CDK13: variants seen among roughly 807,000 people sequenced by gnomAD.
The protein encoded by CDK13 is cyclin-dependent kinase 13.
A neutral mutation model predicts 137.6 loss-of-function variants in CDK13; 40 were observed. The ratio of observed to expected loss-of-function variants is 0.29; its 90% CI spans 0.23 to 0.38. The LOEUF is 0.38. Among genes scored for constraint, CDK13 ranks in the 10% least tolerant of loss-of-function variants. The pLI is 1.00. For missense variants in CDK13, 1,704 were observed against 1,951.8 expected, an observed-to-expected ratio of 0.87 and a Z score of 2.39; for synonymous variants, 869 against 760.1, an observed-to-expected ratio of 1.14 and a Z score of -2.36.
chr7:39,962,606 T>C (rs1255113262), intron 1 of CDK13, among the ~76,000 whole-genome samples: 1 of 152,218 alleles, frequency 6.6e-6, no homozygotes, highest in Non-Finnish European at 1.5e-5. Flanking sequence ...GATGGTAGTT[T>C]CTTTTGCTGT....
chr7:39,987,439 CTACTT>C (rs935032725), intron 1 of CDK13, among the ~76,000 whole-genome samples, 155 bp from the exon 2 acceptor site: 1 of 152,148 alleles, frequency 6.6e-6, no homozygotes, highest in Non-Finnish European at 1.5e-5. Flanking sequence ...AAATAATACT[CTACTT>C]TAAAGAAATT....
rs1277947599 is a variant in CDK13, at chr7:39,950,620, G to A, written c.-22G>A. 7.8e-7 allele frequency: 1 copy of A among 1,289,074 alleles called. No homozygotes were observed. The allele number at this position is 1,289,074 out of a possible 1,614,324, so 79.9% of individuals were successfully genotyped here. On this transcript the variant is annotated 5_prime_UTR_variant, in exon 1 of 14. Transcript: ENST00000181839. ...CGGGAGGAGGCCGCACCCGCGCCGC[G>A]CTCTGCGGCTGGCTCTAGGCGATGC...
chr7:40,068,944 A>G lies in CDK13; in HGVS notation c.2780+5844A>G, dbSNP rs1786348575. ...TTGTTAAGATACTTATAATTTTATA[A>G]AGAGATTGACCGGGCACAGTGGCTC... On this transcript the variant is annotated intron_variant, in intron 9 of 13. Transcript: ENST00000181839. 2.0e-5 allele frequency among the ~76,000 whole-genome samples: 3 copies of G among 152,048 alleles called. No individual in the cohort carries two copies. In the South Asian group the frequency reaches 6.2e-4, roughly 32 times the overall value.
intron 1 of CDK13, among the ~76,000 whole-genome samples, chr7:39,977,510 C>A (rs540363334): frequency 2.0e-5 from 3 of 152,270 alleles, no homozygotes; most frequent in African/African-American, 7.2e-5. Context: ...CCAGCTCTAG[C>A]TGACTGGCGT....
rs557759036 is a variant in CDK13, at chr7:39,976,429, G to T, written c.1212-11170G>T. ...TGCTTGGCTTTGAAGTGAAAGACTT[G>T]GGTTTGAATATTGACTCTGCCTCTT... On this transcript the variant is annotated intron_variant, in intron 1 of 13. Coordinates refer to ENST00000181839, the MANE Select transcript of CDK13 (RefSeq NM_003718.5). Among the ~76,000 whole-genome samples, 43 of 151,682 alleles carry T rather than the reference G, an allele frequency of 2.8e-4. No individual in the cohort carries two copies. The South Asian group carries it at 7.9e-3, about 28-fold the overall frequency.
chr7:40,006,924 T>G (rs567762076), intron 5 of CDK13, among the ~76,000 whole-genome samples: 111 of 129,986 alleles, frequency 8.5e-4, no homozygotes, highest in African/African-American at 2.8e-3. Flanking sequence ...TGGTAAGACC[T>G]ACACATTAAC....
chr7:40,045,478 T>C (rs1785715248), intron 5 of CDK13, among the ~76,000 whole-genome samples: 1 of 151,586 alleles, frequency 6.6e-6, no homozygotes, highest in Non-Finnish European at 1.5e-5. Context: ...TACCAACTTT[T>C]AATTTTTTGA....
chr7:39,968,816 T>G (rs774622617), intron 1 of CDK13, among the ~76,000 whole-genome samples: 1 of 152,226 alleles, frequency 6.6e-6, no homozygotes, highest in Non-Finnish European at 1.5e-5. Context: ...TTCCACTGAA[T>G]CAGAGTCTTG....
intron 5 of CDK13, among the ~76,000 whole-genome samples, chr7:40,044,499 TG>T (rs1293227528): frequency 6.6e-6 from 1 of 151,448 alleles, no homozygotes; most frequent in African/African-American, 2.4e-5. Flanking sequence ...TTGTAGTTTT[TG>T]TAGAGACAGG....
chr7:40,011,950 G>C (rs368893729), intron 5 of CDK13, among the ~76,000 whole-genome samples: 8 of 152,014 alleles, frequency 5.3e-5, no homozygotes, highest in African/African-American at 1.9e-4. Context: ...AAAAGACAAC[G>C]TGATTAAAAA....
At chr7:40,021,103 G>GTA (rs146480658) in intron 5 of CDK13, among the ~76,000 whole-genome samples, 43 of 42,466 alleles carry the variant, frequency 1.0e-3, no homozygotes, top group African/African-American at 1.5e-3. Context: ...GCAAACAAAC[G>GTA]TATATATATA....
intron 9 of CDK13, chr7:40,070,765 T>G (rs1319354616): frequency 1.3e-5 from 2 of 151,874 alleles, no homozygotes; most frequent in African/African-American, 2.4e-5. Flanking sequence ...AAACACACAT[T>G]GGGACAAAAT....
intron 11 of CDK13, among the ~76,000 whole-genome samples, chr7:40,087,818 G>A (rs970789554): frequency 1.4e-4 from 21 of 151,930 alleles, no homozygotes; most frequent in Non-Finnish European, 2.6e-4. Context: ...CAAAGTGCTG[G>A]GATTACAGGC....
At position 39,951,631 on chromosome 7, in the gene CDK13, G is replaced by T; in HGVS notation, c.990G>T (p.Arg330Ser). The change falls in exon 1 of 14, where the codon AGG becomes AGT. Residue 330 changes from arginine (R) to serine (S), a missense_variant. Around this residue, in one of 5 missense-constraint regions of CDK13, gnomAD observed 1,051 missense variants for 931.0 expected, o/e 1.13. Transcript: ENST00000181839. The stretch of plus-strand genomic sequence containing the variant: ...GGGACGACAGCCCGGTGTCCCACAG[G>T]GCCTCTCAGAGCCTGAGGAGCCGCA... ...GGRDDSPVSHRASQSLRSRKS... is the reference protein window; with the variant it reads ...GGRDDSPVSHSASQSLRSRKS... 1 of 1,486,380 alleles carries T rather than the reference G, an allele frequency of 6.7e-7. No individual in the cohort carries two copies. The highest frequency in any genetic ancestry group is 2.6e-5 in the East Asian group (1 of 37,904). 92.1% of individuals were successfully genotyped at this position (1,486,380 alleles called of 1,614,324 possible). A position where few individuals can be genotyped will look rare whatever the true frequency, so the allele number is the denominator to read the frequency against.
intron 5 of CDK13, among the ~76,000 whole-genome samples, chr7:40,033,944 C>T (rs953997298): frequency 1.3e-5 from 2 of 152,106 alleles, no homozygotes; most frequent in Admixed American, 6.6e-5. Flanking sequence ...GAATATTTCC[C>T]TTCTAGATTG....
In CDK13 at chr7:39,992,448, G is replaced by A. The variant is rs182394929; in HGVS notation, c.1871+4190G>A. ...CCTGACCTTGTGATCCTCCTGCCTC[G>A]GCCTCCCAAAATGTTGGGATTACAG... On this transcript the variant is annotated intron_variant, in intron 2 of 13. Transcript: ENST00000181839. Among the ~76,000 whole-genome samples, 565 of 151,908 alleles carry A rather than the reference G, an allele frequency of 3.7e-3. 11 individuals are homozygous for A. Among genetic ancestry groups the A allele is most frequent in the Admixed American group, 0.022 (334 of 15,246 alleles).
chr7:39,991,927 C>T (rs1240208530), intron 2 of CDK13, among the ~76,000 whole-genome samples: 1 of 152,058 alleles, frequency 6.6e-6, no homozygotes, highest in Non-Finnish European at 1.5e-5. Flanking sequence ...TGGTGCAGGC[C>T]TGTAGTCCCA....
In CDK13 at chr7:40,055,103, T is replaced by G. The variant is rs1226196119; in HGVS notation, c.2600+7226T>G. Among the ~76,000 whole-genome samples the G allele has an allele frequency of 5.9e-5, 9 of 151,894 alleles. 1 individual carries two copies. In the East Asian group the frequency reaches 1.7e-3, roughly 29 times the overall value. ...CAAAGTTTAGTTTCTTGCCATCCAA[T>G]AACAACTTATTGAAGTTACTAAATT... On this transcript the variant is annotated intron_variant, in intron 7 of 13. Transcript: ENST00000181839.
At chr7:40,090,983 G>T (rs1237206344) in intron 12 of CDK13, among the ~76,000 whole-genome samples, 1 of 151,928 alleles carries the variant, frequency 6.6e-6, no homozygotes, top group Non-Finnish European at 1.5e-5. Context: ...GGCCGAGGTG[G>T]ATGGATCACC....
Sources: allele counts gnomAD v4.1 joint callset (sites outside exome capture counted in the v4.1 genomes callset), GRCh38; gene constraint gnomAD v4.1.1; regional missense constraint gnomAD v4.1.1; transcripts MANE v1.5; gene names NCBI Gene and HGNC (gene_info 2026-07-23, HGNC 2026-07-21).